Variants in TLX1 observed in about 807,000 individuals in gnomAD.
TLX1 encodes the protein T-cell leukemia homeobox protein 1.
TLX1 carries 6 observed loss-of-function variants against 26.5 expected under a neutral mutation model. The observed-to-expected ratio is 0.23, with a 90% confidence interval of 0.12 to 0.45. TLX1 has a LOEUF of 0.45. TLX1 is among the 20% of genes least tolerant of loss of function. TLX1 has a pLI of 0.99. For synonymous variants in TLX1, 217 were observed against 219.7 expected (o/e 0.99, Z 0.11); for missense variants, 418 against 482.6 (o/e 0.87, Z 1.25).
Position 101,134,395 on chromosome 10 carries a change from CCGGCCGCCCG to C in TLX1, c.770+22_770+31del. On this transcript the variant is annotated intron_variant, in intron 2 of 2. Coordinates refer to ENST00000370196, the MANE Select transcript of TLX1 (RefSeq NM_005521.4). ...AGTGGAGGTGAGCAAGCGGGGCGGG[CCGGCCGCCCG>C]CGAGCGGCGCGGTCTCAGGCAGCTC... 6.5e-7 allele frequency: 1 copy of C among 1,533,842 alleles called. No individual in the cohort carries two copies. Among genetic ancestry groups the C allele is most frequent in the Non-Finnish European group, 8.7e-7 (1 of 1,145,484 alleles).
intron 2 of TLX1, 25 bp from the exon 3 acceptor site, chr10:101,136,666 A>G (rs1339087931): frequency 6.2e-7 from 1 of 1,612,788 alleles, no homozygotes; most frequent in African/African-American, 1.3e-5. Flanking sequence ...TGCTCCTGGC[A>G]GGTAACGGCT....
chr10:101,131,376 C>T lies in TLX1; in HGVS notation c.-166C>T, dbSNP rs1940165283. 2 of 442,576 alleles carry T rather than the reference C, an allele frequency of 4.5e-6. No homozygotes were observed. Among genetic ancestry groups the T allele is most frequent in the Non-Finnish European group, 7.7e-6 (2 of 259,274 alleles). 27.4% of individuals were successfully genotyped at this position (442,576 alleles called of 1,614,324 possible). A position where few individuals can be genotyped will look rare whatever the true frequency, so the allele number is the denominator to read the frequency against. ...CAGAGAGGGGAAGAATACGGCGCCCCCTCTCTCCCTCCCCTCCCCCTTCTA... is the reference window on the plus strand; with the variant it reads ...CAGAGAGGGGAAGAATACGGCGCCCTCTCTCTCCCTCCCCTCCCCCTTCTA... On this transcript the variant is annotated 5_prime_UTR_variant, in exon 1 of 3. Transcript: ENST00000370196.
Position 101,136,923 on chromosome 10 carries a change from T to C in TLX1, c.*10T>C. ...GTCGGCCTGCGAGTGAGCCTGCCCA[T>C]TCTGCCCTGTGGGACCCCAGGCCCA... On this transcript the variant is annotated 3_prime_UTR_variant, in exon 3 of 3. Coordinates refer to ENST00000370196, the MANE Select transcript of TLX1 (RefSeq NM_005521.4). 2.5e-6 allele frequency: 4 copies of C among 1,612,786 alleles called. No individual in the cohort carries two copies. The highest frequency in any genetic ancestry group is 1.7e-6 in the Non-Finnish European group (2 of 1,179,470).
At chr10:101,133,248 C>T (rs1564676236) in intron 1 of TLX1, among the ~76,000 whole-genome samples, 1 of 152,216 alleles carries the variant, frequency 6.6e-6, no homozygotes, top group African/African-American at 2.4e-5. Flanking sequence ...TCCAAAGCAC[C>T]CCTGGCTTCC....
rs760193774 is a variant in TLX1 at position 101,136,949 on chromosome 10, C to T, written c.*36C>T. ...TCTGCCCTGTGGGACCCCAGGCCCACTCAGGGGTCACTGAGGCCTGAGACC... is the reference window on the plus strand; with the variant it reads ...TCTGCCCTGTGGGACCCCAGGCCCATTCAGGGGTCACTGAGGCCTGAGACC... On this transcript the variant is annotated 3_prime_UTR_variant, in exon 3 of 3. Transcript: ENST00000370196. 6.2e-7 allele frequency: 1 copy of T among 1,606,458 alleles called. No homozygotes were observed. The highest frequency in any genetic ancestry group is 1.7e-5 in the Admixed American group (1 of 59,816).
chr10:101,136,688 C>T lies in TLX1; in HGVS notation c.771-3C>T. 2 of 1,612,156 alleles carry T rather than the reference C, an allele frequency of 1.2e-6. No homozygotes were observed. The highest frequency in any genetic ancestry group is 1.7e-6 in the Non-Finnish European group (2 of 1,179,906). Reference sequence around the variant, plus strand: ...GGCAGGTAACGGCTTGTTCCCGGTGCAGACGGCAGACTGCGGAGGAACGGG... The same window carrying T: ...GGCAGGTAACGGCTTGTTCCCGGTGTAGACGGCAGACTGCGGAGGAACGGG... On this transcript the variant is annotated splice_polypyrimidine_tract_variant and splice_region_variant and intron_variant, in intron 2 of 2. Transcript: ENST00000370196.
chr10:101,134,214 A>G lies in TLX1; in HGVS notation c.608A>G (p.Lys203Arg). 1 of 1,610,262 alleles carries G rather than the reference A, an allele frequency of 6.2e-7. No homozygotes were observed. Among genetic ancestry groups the G allele is most frequent in the Non-Finnish European group, 8.5e-7 (1 of 1,178,572 alleles). ...AACCGGACGCCCCCCAAGAAGAAGA[A>G]GCCGCGCACGTCCTTCACACGCCTG... ...YQNRTPPKKK[K>R]PRTSFTRLQI... The change falls in exon 2 of 3, where the codon AAG becomes AGG. Residue 203 changes from lysine (K) to arginine (R), a missense_variant. This residue lies in a region of TLX1 where 322 missense variants were observed against 344.6 expected (regional missense o/e 0.93). Coordinates refer to ENST00000370196, the MANE Select transcript of TLX1 (RefSeq NM_005521.4).
intron 2 of TLX1, among the ~76,000 whole-genome samples, chr10:101,136,346 G>A (rs972518299): frequency 6.6e-6 from 1 of 152,196 alleles, no homozygotes; most frequent in African/African-American, 2.4e-5. Context: ...CCTCAGGGCC[G>A]GGGAGGGGGA....
chr10:101,136,741 T>C lies in TLX1; in HGVS notation c.821T>C (p.Ile274Thr), dbSNP rs766001320. Residue 274 changes from isoleucine to threonine, a missense_variant, in exon 3 of 3, where the codon ATC (isoleucine) becomes ACC (threonine). By Grantham distance (89) the Ile-to-Thr change is moderately conservative. This residue lies in a region of TLX1 where 78 missense variants were observed against 92.2 expected (regional missense o/e 0.85). Transcript: ENST00000370196. ...GCCGAGAGGCAGCAAGCGAACCGCA[T>C]CCTCCTGCAGTTGCAGCAGGAGGCC... ...REAERQQANR[I>T]LLQLQQEAFQ... The C allele has an allele frequency of 3.1e-6, 5 of 1,613,150 alleles. No individual in the cohort carries two copies. In the South Asian group the frequency reaches 3.3e-5, roughly 11 times the overall value.
At position 101,137,232 on chromosome 10, in the gene TLX1, G is replaced by A; in HGVS notation, c.*319G>A. The stretch of plus-strand genomic sequence containing the variant: ...GAGAAAGGCAAGGGAGGTAAGGGAG[G>A]AGGAGCTTCTGGGGTCCCCAGGGCT... On this transcript the variant is annotated 3_prime_UTR_variant, in exon 3 of 3. Coordinates refer to ENST00000370196, the MANE Select transcript of TLX1 (RefSeq NM_005521.4). 2.6e-6 allele frequency: 1 copy of A among 389,762 alleles called. No individual in the cohort carries two copies. Among genetic ancestry groups the A allele is most frequent in the Non-Finnish European group, 4.7e-6 (1 of 214,588 alleles). The allele number at this position is 389,762 out of a possible 1,614,324, so 24.1% of individuals were successfully genotyped here.
intron 1 of TLX1, among the ~76,000 whole-genome samples, chr10:101,133,527 G>A (rs1437273175): frequency 6.6e-6 from 1 of 152,218 alleles, no homozygotes; most frequent in Admixed American, 6.5e-5. Context: ...AACCCAGCCG[G>A]GAGTCCACTA....
rs769747227 is a variant in TLX1 at position 101,132,142 on chromosome 10, G to A, written c.568+33G>A. 390 of 1,327,898 alleles carry A rather than the reference G, an allele frequency of 2.9e-4. No homozygotes were observed. The highest frequency in any genetic ancestry group is 1.7e-4 in the Non-Finnish European group (172 of 1,041,444). The allele number at this position is 1,327,898 out of a possible 1,614,324, so 82.3% of individuals were successfully genotyped here. ...CGGCCCGCGCGCTCCCCGCCTGGCC[G>A]CGGCCCGGGCTCCGTGCTACCCCTG... is the stretch of plus-strand genomic sequence containing the variant. On this transcript the variant is annotated intron_variant, in intron 1 of 2. Coordinates refer to ENST00000370196, the MANE Select transcript of TLX1 (RefSeq NM_005521.4). The surrounding 1 kb of genome is among the most constrained non-coding windows in gnomAD (Gnocchi z 4.1).
At position 101,131,880 on chromosome 10, in the gene TLX1, T is replaced by TGGCGGC. The variant is rs760650231; in HGVS notation, c.349_354dup (p.Gly117_Gly118dup). ...TGGCCTTGGCAGGCGGCCCCGGTCCTGGCGGCGGCGGCGGCAGCAGCGGCG... is the reference window on the plus strand; with the variant it reads ...TGGCCTTGGCAGGCGGCCCCGGTCCTGGCGGCGGCGGCGGCGGCGGCAGCAGCGGCG... On this transcript the variant is annotated inframe_insertion, in exon 1 of 3. Transcript: ENST00000370196. 1 of 1,400,530 alleles carries TGGCGGC rather than the reference T, an allele frequency of 7.1e-7. No homozygotes were observed. Among genetic ancestry groups the TGGCGGC allele is most frequent in the East Asian group, 3.0e-5 (1 of 32,828 alleles). The allele number at this position is 1,400,530 out of a possible 1,614,324, so 86.8% of individuals were successfully genotyped here.
rs930030468 is a variant in TLX1 at position 101,131,874 on chromosome 10, C to T, written c.333C>T (p.Pro111=). Residue 111 remains proline (P), a synonymous_variant, in exon 1 of 3, where the codon CCC becomes CCT. Coordinates refer to ENST00000370196, the MANE Select transcript of TLX1 (RefSeq NM_005521.4). ...TGAACATGGCCTTGGCAGGCGGCCC[C>T]GGTCCTGGCGGCGGCGGCGGCAGCA... The part of the protein sequence containing the change: ...YNVNMALAGG[P]GPGGGGGSSG... 10 of 1,402,636 alleles carry T rather than the reference C, an allele frequency of 7.1e-6. No homozygotes were observed. The highest frequency in any genetic ancestry group is 3.0e-5 in the African/African-American group (2 of 66,000). The allele number at this position is 1,402,636 out of a possible 1,614,324, so 86.9% of individuals were successfully genotyped here.
At chr10:101,134,506 C>A in intron 2 of TLX1, 130 bp downstream of exon 2, 1 of 1,080,380 alleles carries the variant, frequency 9.3e-7, no homozygotes, top group Non-Finnish European at 1.3e-6. Context: ...GGAGCGAGCT[C>A]CCGCTAGGCT....
At chr10:101,134,990 G>A (rs558344645) in intron 2 of TLX1, among the ~76,000 whole-genome samples, 7 of 152,376 alleles carry the variant, frequency 4.6e-5, no homozygotes, top group African/African-American at 1.4e-4. Context: ...GGAGCAGATG[G>A]GTGTGTGTGA....
At position 101,136,999 on chromosome 10, in the gene TLX1, C is replaced by A; in HGVS notation, c.*86C>A. On this transcript the variant is annotated 3_prime_UTR_variant, in exon 3 of 3. Transcript: ENST00000370196. ...CCAGGACTCCTCCCCACCCTCCTGG[C>A]CTCAGACTGCACCCAGGAGGGGAAC... 1 of 1,509,522 alleles carries A rather than the reference C, an allele frequency of 6.6e-7. No individual in the cohort carries two copies. The highest frequency in any genetic ancestry group is 9.0e-7 in the Non-Finnish European group (1 of 1,115,204). The allele number at this position is 1,509,522 out of a possible 1,614,324, so 93.5% of individuals were successfully genotyped here. A position where few individuals can be genotyped will look rare whatever the true frequency, so the allele number is the denominator to read the frequency against.
rs1451396932 is a variant in TLX1 at position 101,137,034 on chromosome 10, G to T, written c.*121G>T. The T allele has an allele frequency of 3.1e-6, 4 of 1,299,352 alleles. No homozygotes were observed. The highest frequency in any genetic ancestry group is 4.2e-6 in the Non-Finnish European group (4 of 957,574). The allele number at this position is 1,299,352 out of a possible 1,614,324, so 80.5% of individuals were successfully genotyped here. A position where few individuals can be genotyped will look rare whatever the true frequency, so the allele number is the denominator to read the frequency against. ...CACCCAGGAGGGGAACACTGCCCTC[G>T]CACGGCCCCGAAGGGCCCCCACATT... On this transcript the variant is annotated 3_prime_UTR_variant, in exon 3 of 3. Coordinates refer to ENST00000370196, the MANE Select transcript of TLX1 (RefSeq NM_005521.4).
At position 101,131,946 on chromosome 10, in the gene TLX1, G is replaced by A. The variant is rs1042011498; in HGVS notation, c.405G>A (p.Pro135=). The change falls in exon 1 of 3, where the codon CCG becomes CCA. Residue 135 remains proline, a synonymous_variant. Transcript: ENST00000370196. Reference sequence around the variant, plus strand: ...GCGCTGCGGGGGTAATCCGGGTGCCGGCACACAGGCCGCTCGCCGGAGCCG... The same window carrying A: ...GCGCTGCGGGGGTAATCCGGGTGCCAGCACACAGGCCGCTCGCCGGAGCCG... The part of the protein sequence containing the change: ...ALSAAGVIRV[P]AHRPLAGAVA... The A allele has an allele frequency of 2.1e-6, 3 of 1,451,220 alleles. No individual in the cohort carries two copies. Among genetic ancestry groups the A allele is most frequent in the Non-Finnish European group, 9.0e-7 (1 of 1,107,068 alleles). 89.9% of individuals were successfully genotyped at this position (1,451,220 alleles called of 1,614,324 possible). A position where few individuals can be genotyped will look rare whatever the true frequency, so the allele number is the denominator to read the frequency against.
Sources: allele counts gnomAD v4.1 joint callset (sites outside exome capture counted in the v4.1 genomes callset), GRCh38; gene constraint gnomAD v4.1.1; regional missense constraint gnomAD v4.1.1; non-coding constraint Gnocchi (gnomAD v3.1); transcripts MANE v1.5; gene names NCBI Gene and HGNC (gene_info 2026-07-23, HGNC 2026-07-21).